Variants in CNIH3 observed in about 807,000 individuals in gnomAD.
The protein encoded by CNIH3 is protein cornichon homolog 3.
A neutral mutation model predicts 24.1 loss-of-function variants in CNIH3; 14 were observed. That is an observed-to-expected ratio of 0.58 (90% CI 0.38 to 0.91). The LOEUF (loss-of-function observed/expected upper bound fraction) is 0.91. Among genes scored for constraint, CNIH3 ranks in the 40% least tolerant of loss-of-function variants. The probability of loss-of-function intolerance (pLI) is 0.00; values close to 1 mark genes in which losing one functional copy is unlikely to be tolerated. For synonymous variants in CNIH3, 68 were observed against 73.8 expected (o/e 0.92, Z 0.40); for missense variants, 178 against 196.8 (o/e 0.90, Z 0.57).
chr1:224,545,297 C>T (rs1679660621), intron 2 of CNIH3, among the ~76,000 whole-genome samples: 1 of 152,240 alleles, frequency 6.6e-6, no homozygotes, highest in Non-Finnish European at 1.5e-5. Context: ...CTCTGCCTTT[C>T]TGCCCATCCT....
At chr1:224,567,486 C>T (rs1360647658) in intron 4 of CNIH3, among the ~76,000 whole-genome samples, 1 of 152,178 alleles carries the variant, frequency 6.6e-6, no homozygotes, top group Non-Finnish European at 1.5e-5. Flanking sequence ...CCAGAAGATA[C>T]CCCAAGAGCA....
intron 3 of CNIH3, among the ~76,000 whole-genome samples, chr1:224,696,788 G>A (rs1027489754): frequency 1.3e-4 from 20 of 152,170 alleles, no homozygotes; most frequent in South Asian, 8.3e-4. Flanking sequence ...GTGTGTGTGT[G>A]TGTGTGTGTA....
chr1:224,573,594 G>A (rs1413761690), intron 4 of CNIH3, among the ~76,000 whole-genome samples: 1 of 152,188 alleles, frequency 6.6e-6, no homozygotes, highest in East Asian at 1.9e-4. Flanking sequence ...GTGGAACTAG[G>A]TAATAGTAGT....
chr1:224,460,638 C>T (rs1253843131), intron 1 of CNIH3, among the ~76,000 whole-genome samples: 3 of 152,090 alleles, frequency 2.0e-5, no homozygotes, highest in Admixed American at 1.3e-4. Flanking sequence ...ATTCACCTGT[C>T]GATGGACATT....
rs555984136 is a variant in CNIH3 at position 224,656,309 on chromosome 1, A to G, written c.82-24649A>G. ...TGCTTTTTGAACAACATTTGAGGCCACATTGAACTAAAGTAATTAACAGCA... is the reference window on the plus strand; with the variant it reads ...TGCTTTTTGAACAACATTTGAGGCCGCATTGAACTAAAGTAATTAACAGCA... On this transcript the variant is annotated intron_variant, in intron 1 of 5. Transcript: ENST00000272133. 2.4e-4 allele frequency among the ~76,000 whole-genome samples: 37 copies of G among 152,356 alleles called. 1 individual carries two copies. The highest frequency in any genetic ancestry group is 4.1e-4 in the South Asian group (2 of 4,826).
chr1:224,553,923 T>C (rs16849469), intron 3 of CNIH3, among the ~76,000 whole-genome samples: 3,582 of 152,132 alleles, frequency 0.024, 142 homozygotes, highest in African/African-American at 0.08. Context: ...AAATACTTCG[T>C]ACCTCTGTAG....
intron 3 of CNIH3, among the ~76,000 whole-genome samples, chr1:224,715,667 G>A (rs1350204964): frequency 6.6e-6 from 1 of 152,230 alleles, no homozygotes; most frequent in East Asian, 1.9e-4. Flanking sequence ...ATGGAAGCAG[G>A]TGTGTGCAGA....
chr1:224,602,212 T>C (rs1487372763), intron 3 of CNIH3, among the ~76,000 whole-genome samples: 3 of 152,240 alleles, frequency 2.0e-5, no homozygotes, highest in Non-Finnish European at 4.4e-5. Context: ...ATTTCAGTAA[T>C]GTTTTCCAAC....
chr1:224,455,928 A>C (rs1361107494), intron 1 of CNIH3, among the ~76,000 whole-genome samples: 1 of 152,230 alleles, frequency 6.6e-6, no homozygotes, highest in Non-Finnish European at 1.5e-5. Flanking sequence ...TATGAATACT[A>C]CCAGTGTTTT....
intron 3 of CNIH3, among the ~76,000 whole-genome samples, chr1:224,611,054 T>C (rs1382105050): frequency 6.6e-6 from 1 of 152,204 alleles, no homozygotes; most frequent in African/African-American, 2.4e-5. Flanking sequence ...TCATAAAGCC[T>C]GAAATGAAAA....
At chr1:224,655,119 G>T (rs1337283852) in intron 1 of CNIH3, among the ~76,000 whole-genome samples, 1 of 152,190 alleles carries the variant, frequency 6.6e-6, no homozygotes, top group African/African-American at 2.4e-5. Context: ...ACCACCCCTG[G>T]GTGTGAAGGG....
chr1:224,681,508 A>G (rs1045653120), intron 2 of CNIH3, among the ~76,000 whole-genome samples: 1 of 152,130 alleles, frequency 6.6e-6, no homozygotes, highest in Non-Finnish European at 1.5e-5. Context: ...TGTGGGCCTG[A>G]GATCAGCTCA....
chr1:224,453,254 T>C (rs567998193), intron 1 of CNIH3, among the ~76,000 whole-genome samples: 2 of 152,212 alleles, frequency 1.3e-5, no homozygotes. Flanking sequence ...CACTGCAGCC[T>C]CGACTTCCTG....
intron 2 of CNIH3, chr1:224,529,050 AG>A (rs1300936983): frequency 6.6e-6 from 1 of 152,248 alleles, no homozygotes; most frequent in African/African-American, 2.4e-5. Flanking sequence ...GGACACTGTG[AG>A]GGCGAGTCGG....
In CNIH3 at chr1:224,604,720, A is replaced by G. The variant is rs1202946303; in HGVS notation, n.402+38456A>G. Among the ~76,000 whole-genome samples the G allele has an allele frequency of 1.3e-5, 2 of 152,104 alleles. No individual in the cohort carries two copies. The highest frequency in any genetic ancestry group is 1.3e-4 in the Admixed American group (2 of 15,276). The stretch of plus-strand genomic sequence containing the variant: ...TTCTCGGTCACTTTGCAAGCCAGGG[A>G]CCCTTGCCGGTGACACCTGGCCCAG... On this transcript the variant is annotated intron_variant and non_coding_transcript_variant, in intron 3 of 7. Transcript: ENST00000478120. The surrounding 1 kb of genome is among the most constrained non-coding windows in gnomAD (Gnocchi z 4.4).
rs138367913 is a variant in CNIH3 at position 224,671,566 on chromosome 1, A to G, written c.82-9392A>G. Among the ~76,000 whole-genome samples the G allele has an allele frequency of 9.9e-3, 1,513 of 152,362 alleles. 82 individuals carry two copies. Among genetic ancestry groups the G allele is most frequent in the Admixed American group, 0.088 (1,352 of 15,306 alleles). ...ACTGGCCCCAGCACTGCCCTCTTCA[A>G]CCAGGTAGCCCTGGACATTGCTAAC... On this transcript the variant is annotated intron_variant, in intron 1 of 5. Coordinates refer to ENST00000272133, the MANE Select transcript of CNIH3 (RefSeq NM_152495.2).
chr1:224,673,185 C>T (rs1685955262), intron 1 of CNIH3, among the ~76,000 whole-genome samples: 1 of 152,180 alleles, frequency 6.6e-6, no homozygotes, highest in Admixed American at 6.5e-5. Flanking sequence ...CCCCCTCGGT[C>T]ATGTCCATGC....
intron 1 of CNIH3, among the ~76,000 whole-genome samples, chr1:224,617,603 G>A (rs1006172857): frequency 6.6e-6 from 1 of 152,242 alleles, no homozygotes; most frequent in Non-Finnish European, 1.5e-5. Context: ...AAGCGCCGCC[G>A]TCGGTCCCGG....
intron 3 of CNIH3, among the ~76,000 whole-genome samples, chr1:224,561,725 G>A (rs1680381552): frequency 6.6e-6 from 1 of 152,184 alleles, no homozygotes; most frequent in East Asian, 1.9e-4. Flanking sequence ...CTCTGCCTAT[G>A]CATGCTCTCT....
Sources: gnomAD v4.1 joint callset for allele counts (sites outside exome capture counted in the v4.1 genomes callset) on GRCh38, gnomAD v4.1.1 for gene constraint, Gnocchi (gnomAD v3.1) non-coding constraint, MANE v1.5 for transcripts, NCBI Gene and HGNC (gene_info 2026-07-23, HGNC 2026-07-21) for gene names.